Variants in SEC14L1 observed in about 807,000 individuals in gnomAD.
SEC14L1 encodes SEC14-like protein 1.
In SEC14L1, 48 loss-of-function variants were observed where a neutral mutation model predicts 85.3. The observed-to-expected ratio is 0.56, with a 90% CI of 0.45 to 0.72. The LOEUF (loss-of-function observed/expected upper bound fraction) is 0.72. SEC14L1 is among the 30% of genes least tolerant of loss of function. SEC14L1 has a pLI of 0.00. For synonymous variants in SEC14L1, 391 were observed against 355.5 expected (o/e 1.10, Z -1.12); for missense variants, 682 against 921.4 (o/e 0.74, Z 3.36).
intron 3 of SEC14L1, among the ~76,000 whole-genome samples, chr17:77,164,759 A>G (rs1974213235): frequency 6.6e-6 from 1 of 152,180 alleles, no homozygotes; most frequent in Non-Finnish European, 1.5e-5. Flanking sequence ...AGTTGCTAGG[A>G]AAGCTGAGCT....
In SEC14L1 at chr17:77,215,141, CTT is replaced by C; in HGVS notation, c.*1119_*1120del. 1 of 985,242 alleles carries C rather than the reference CTT, an allele frequency of 1.0e-6. No homozygotes were observed. The highest frequency in any genetic ancestry group is 1.2e-6 in the Non-Finnish European group (1 of 829,968). The allele number at this position is 985,242 out of a possible 1,614,324, so 61.0% of individuals were successfully genotyped here. On this transcript the variant is annotated 3_prime_UTR_variant, in exon 17 of 17. Transcript: ENST00000436233. ...GCTGGGGGGACGGGGTGAGTGGAAA[CTT>C]AGTTTGAGTAATGAAGGAATCTTCA...
At chr17:77,153,200 G>A (rs1380141004) in intron 3 of SEC14L1, among the ~76,000 whole-genome samples, 2 of 152,142 alleles carry the variant, frequency 1.3e-5, no homozygotes, top group African/African-American at 2.4e-5. Context: ...CTGAGTAGCC[G>A]GGACTACAGG....
At chr17:77,160,141 G>A (rs549679886) in intron 3 of SEC14L1, among the ~76,000 whole-genome samples, 4 of 152,360 alleles carry the variant, frequency 2.6e-5, no homozygotes, top group South Asian at 4.1e-4. Flanking sequence ...TACTGACTCT[G>A]TGGAGTTATT....
intron 3 of SEC14L1, among the ~76,000 whole-genome samples, chr17:77,095,685 C>T (rs1190650226): frequency 1.3e-5 from 2 of 152,068 alleles, no homozygotes; most frequent in Admixed American, 6.6e-5. Flanking sequence ...GGTGTCGTGG[C>T]AGGCACCTGT....
At chr17:77,157,257 A>G (rs935675922) in intron 3 of SEC14L1, among the ~76,000 whole-genome samples, 7 of 152,240 alleles carry the variant, frequency 4.6e-5, no homozygotes, top group African/African-American at 1.7e-4. Context: ...GATTTATGGC[A>G]TTAATATTTA....
chr17:77,097,094 C>T (rs919816353), intron 3 of SEC14L1, among the ~76,000 whole-genome samples: 14 of 152,168 alleles, frequency 9.2e-5, no homozygotes, highest in African/African-American at 2.9e-4. Context: ...CTGGTGAGAA[C>T]ATCGGGAAAG....
chr17:77,107,981 C>T lies in SEC14L1; in HGVS notation c.-136+14634C>T, dbSNP rs939195915. Among the ~76,000 whole-genome samples the T allele has an allele frequency of 3.3e-5, 5 of 152,058 alleles. No homozygotes were observed. In the East Asian group the frequency reaches 9.7e-4, roughly 29 times the overall value. ...CTGGTCTCAAACTCCTGGGCTCCAG[C>T]GATCCTCTCACCTCCGCCTCCCAAA... On this transcript the variant is annotated intron_variant, in intron 3 of 19. Coordinates refer to the SEC14L1 transcript ENST00000392476.
chr17:77,209,539 A>G, intron 14 of SEC14L1, 63 bp downstream of exon 14: 1 of 1,561,430 alleles, frequency 6.4e-7, no homozygotes. Flanking sequence ...TGGCCCTCGC[A>G]GGGCTTCCTG....
chr17:77,186,886 A>G (rs996188859), intron 3 of SEC14L1, among the ~76,000 whole-genome samples: 5 of 152,212 alleles, frequency 3.3e-5, no homozygotes, highest in African/African-American at 9.7e-5. Flanking sequence ...TGCCATTTTC[A>G]TTAATATTTT....
chr17:77,100,283 C>G (rs989526811), intron 3 of SEC14L1, among the ~76,000 whole-genome samples: 1 of 152,206 alleles, frequency 6.6e-6, no homozygotes, highest in African/African-American at 2.4e-5. Flanking sequence ...TCTGTACATG[C>G]GGCATTCACG....
At chr17:77,113,579 A>C (rs1023916623) in intron 3 of SEC14L1, among the ~76,000 whole-genome samples, 1 of 152,054 alleles carries the variant, frequency 6.6e-6, no homozygotes, top group Admixed American at 6.6e-5. Flanking sequence ...CCCTGTCTCT[A>C]CTAAAAATAT....
chr17:77,176,116 C>T (rs907995467), intron 3 of SEC14L1, among the ~76,000 whole-genome samples: 1 of 151,784 alleles, frequency 6.6e-6, no homozygotes, highest in Non-Finnish European at 1.5e-5. Flanking sequence ...ATGGTGAAAC[C>T]CTGTCTCTAC....
At chr17:77,140,495 A>G (rs1972946996), upstream of SEC14L1, among the ~76,000 whole-genome samples, 1 of 152,242 alleles carries the variant, frequency 6.6e-6, no homozygotes, top group Non-Finnish European at 1.5e-5. Context: ...GCACGGGGGC[A>G]GCCGCCAGGG....
intron 3 of SEC14L1, among the ~76,000 whole-genome samples, chr17:77,124,502 C>A (rs539098604): frequency 6.6e-6 from 1 of 152,328 alleles, no homozygotes; most frequent in East Asian, 1.9e-4. Context: ...AGGTAGGCTG[C>A]TGAACTGGGG....
intron 3 of SEC14L1, among the ~76,000 whole-genome samples, chr17:77,164,128 T>C (rs957805475): frequency 1.3e-5 from 2 of 152,184 alleles, no homozygotes; most frequent in Non-Finnish European, 2.9e-5. Flanking sequence ...AGGTTGAAAT[T>C]GGTTACTAAG....
intron 7 of SEC14L1, among the ~76,000 whole-genome samples, chr17:77,195,581 G>A (rs770298414): frequency 6.6e-6 from 1 of 152,136 alleles, no homozygotes; most frequent in Non-Finnish European, 1.5e-5. Flanking sequence ...TTCGTCTCCT[G>A]GGTTCAAGTG....
rs952751530 is a variant in SEC14L1, at chr17:77,194,717, A to G, written c.515A>G (p.Glu172Gly). The G allele has an allele frequency of 6.2e-7, 1 of 1,614,214 alleles. No homozygotes were observed. Among genetic ancestry groups the G allele is most frequent in the Admixed American group, 1.7e-5 (1 of 60,030 alleles). The change falls in exon 7 of 17, where the codon GAA becomes GGA. Residue 172 changes from glutamate to glycine, a missense_variant. Around this residue, in one of 3 missense-constraint regions of SEC14L1, gnomAD observed 123 missense variants for 100.6 expected, o/e 1.22. Coordinates refer to ENST00000436233, the MANE Select transcript of SEC14L1 (RefSeq NM_001143998.2). The stretch of plus-strand genomic sequence containing the variant: ...GAATACTACCTTCGCCAATTAGAAG[A>G]AGAAGGCATAACCTTTGTGCCCCGT... ...IIEYYLRQLE[E>G]EGITFVPRWS...
chr17:77,193,130 C>G (rs368808690), intron 5 of SEC14L1, among the ~76,000 whole-genome samples: 1 of 152,298 alleles, frequency 6.6e-6, no homozygotes, highest in East Asian at 1.9e-4. Flanking sequence ...GAAGACTGTT[C>G]AGTGAGTATG....
chr17:77,161,704 A>C (rs920023845), intron 3 of SEC14L1, among the ~76,000 whole-genome samples: 3 of 142,452 alleles, frequency 2.1e-5, no homozygotes, highest in Non-Finnish European at 3.0e-5. Context: ...TGGGTCCTTA[A>C]ATTGGTTCTT....
Sources: allele counts gnomAD v4.1 joint callset (sites outside exome capture counted in the v4.1 genomes callset), GRCh38; gene constraint gnomAD v4.1.1; regional missense constraint gnomAD v4.1.1; transcripts MANE v1.5; gene names NCBI Gene and HGNC (gene_info 2026-07-23, HGNC 2026-07-21).